RABEP2: variants seen among roughly 807,000 people sequenced by gnomAD.
RABEP2 encodes the protein rabaptin, RAB GTPase binding effector protein 2.
RABEP2 carries 57 observed loss-of-function variants against 74.1 expected under a neutral mutation model. The ratio of observed to expected loss-of-function variants is 0.77; its 90% CI spans 0.62 to 0.96. The LOEUF is 0.96. Ranked by LOEUF, RABEP2 falls within the 40% of genes least tolerant of loss-of-function variation. The probability of loss-of-function intolerance (pLI) is 0.00; values close to 1 mark genes in which losing one functional copy is unlikely to be tolerated. For missense variants in RABEP2, 692 were observed against 756.3 expected, an observed-to-expected ratio of 0.91 and a Z score of 1.00; for synonymous variants, 351 against 344.0, an observed-to-expected ratio of 1.02 and a Z score of -0.23.
chr16:28,921,731 C>T lies in RABEP2; in HGVS notation c.275-1788G>A, dbSNP rs1218247062. ...CTGTAATCCCAGCACTTTGGGAGGC[C>T]GAGGTGGGCAGATCATCTAGGTCAG... On this transcript the variant is annotated intron_variant, in intron 2 of 12. Coordinates refer to ENST00000358201, the MANE Select transcript of RABEP2 (RefSeq NM_024816.3). Among the ~76,000 whole-genome samples the T allele has an allele frequency of 2.0e-5, 3 of 146,636 alleles. No homozygotes were observed. In the East Asian group the frequency reaches 6.0e-4, roughly 29 times the overall value.
chr16:28,924,908 T>G (rs1407975930), intron 1 of RABEP2, 195 bp downstream of exon 1: 1 of 810,920 alleles, frequency 1.2e-6, no homozygotes, highest in Non-Finnish European at 2.1e-6. Context: ...ACTTCGCACC[T>G]GTCACTGGCC....
intron 2 of RABEP2, among the ~76,000 whole-genome samples, chr16:28,920,412 G>A (rs1596704115): frequency 6.7e-6 from 1 of 150,176 alleles, no homozygotes; most frequent in Non-Finnish European, 1.5e-5. Context: ...TTGAGACAGA[G>A]TCTCACTCTG....
intron 2 of RABEP2, among the ~76,000 whole-genome samples, chr16:28,921,873 G>A (rs1964471866): frequency 6.6e-6 from 1 of 151,966 alleles, no homozygotes; most frequent in Non-Finnish European, 1.5e-5. Context: ...GCTGAGGCAG[G>A]AGAATTGTTT....
At chr16:28,914,651 G>C (rs747355458) in intron 4 of RABEP2, 21 bp downstream of exon 4, 1 of 1,612,594 alleles carries the variant, frequency 6.2e-7, no homozygotes, top group African/African-American at 1.3e-5. Context: ...CTTCCCCAGC[G>C]CCCCCTGGCC....
chr16:28,908,573 G>C, intron 8 of RABEP2, 36 bp downstream of exon 8: 1 of 1,561,410 alleles, frequency 6.4e-7, no homozygotes. Context: ...GGCCCTCACG[G>C]TGGCTCCAGG....
chr16:28,911,034 C>T (rs375331178), intron 6 of RABEP2, 48 bp from the exon 7 acceptor site: 13 of 1,609,288 alleles, frequency 8.1e-6, no homozygotes, highest in Admixed American at 1.7e-5. Context: ...TGTCAGGGGG[C>T]GGCAGGTAGC....
At chr16:28,921,849 C>T (rs1964471778) in intron 2 of RABEP2, among the ~76,000 whole-genome samples, 1 of 151,828 alleles carries the variant, frequency 6.6e-6, no homozygotes, top group Non-Finnish European at 1.5e-5. Context: ...CCTGTAATCC[C>T]AGCTACTTGG....
At position 28,904,467 on chromosome 16, in the gene RABEP2, G is replaced by C. The variant is rs1032539327; in HGVS notation, c.*476C>G. 25 of 1,514,822 alleles carry C rather than the reference G, an allele frequency of 1.7e-5. No individual in the cohort carries two copies. In the Admixed American group the frequency reaches 4.8e-4, roughly 29 times the overall value. The allele number at this position is 1,514,822 out of a possible 1,614,324, so 93.8% of individuals were successfully genotyped here. On this transcript the variant is annotated 3_prime_UTR_variant, in exon 13 of 13. Coordinates refer to ENST00000358201, the MANE Select transcript of RABEP2 (RefSeq NM_024816.3). ...TGAAAATAAACGACGGAAAAGTCTGGCCTTGCCTCTGTGCAAGCTTGGAGG... is the reference window on the plus strand; with the variant it reads ...TGAAAATAAACGACGGAAAAGTCTGCCCTTGCCTCTGTGCAAGCTTGGAGG...
At chr16:28,921,443 A>G (rs1277978862) in intron 2 of RABEP2, among the ~76,000 whole-genome samples, 2 of 151,760 alleles carry the variant, frequency 1.3e-5, no homozygotes, top group African/African-American at 4.8e-5. Flanking sequence ...AGTTAACAGG[A>G]CCAGTGTGAG....
intron 5 of RABEP2, among the ~76,000 whole-genome samples, chr16:28,912,434 G>C (rs1335207721): frequency 2.7e-5 from 4 of 145,586 alleles, no homozygotes; most frequent in Non-Finnish European, 6.0e-5. Context: ...TTTGAGATGG[G>C]GTCTCACTCT....
intron 5 of RABEP2, among the ~76,000 whole-genome samples, chr16:28,912,789 A>G (rs1567497131): frequency 6.6e-6 from 1 of 152,022 alleles, no homozygotes; most frequent in Non-Finnish European, 1.5e-5. Flanking sequence ...CACGTCTCCT[A>G]AGACGCACAA....
intron 9 of RABEP2, 63 bp from the exon 10 acceptor site, chr16:28,905,941 G>A (rs764428279): frequency 8.2e-5 from 132 of 1,612,814 alleles, no homozygotes; most frequent in Non-Finnish European, 1.1e-4. Flanking sequence ...TGCTGCCCAC[G>A]CCTGGGCCCC....
At chr16:28,923,828 G>A (rs920226536) in intron 2 of RABEP2, among the ~76,000 whole-genome samples, 5 of 152,180 alleles carry the variant, frequency 3.3e-5, no homozygotes, top group African/African-American at 1.2e-4. Flanking sequence ...GCATAGCAGC[G>A]GGGGCAGCTC....
chr16:28,917,835 C>G (rs1964415672), intron 3 of RABEP2: 1 of 152,248 alleles, frequency 6.6e-6, no homozygotes. Flanking sequence ...AGCCCGGATG[C>G]TGGGAAGATG....
intron 2 of RABEP2, among the ~76,000 whole-genome samples, chr16:28,922,837 T>G (rs1430281450): frequency 6.6e-6 from 1 of 150,968 alleles, no homozygotes; most frequent in Non-Finnish European, 1.5e-5. Flanking sequence ...GAGGTTGCAG[T>G]GAGCTGAGAC....
chr16:28,913,290 G>A (rs942141774), intron 5 of RABEP2, among the ~76,000 whole-genome samples: 9 of 151,934 alleles, frequency 5.9e-5, no homozygotes, highest in African/African-American at 1.2e-4. Flanking sequence ...GCCTGAACCC[G>A]GGTCAGTCTC....
Position 28,906,191 on chromosome 16 carries a change from C to A in RABEP2, c.1251G>T (p.Leu417=). Residue 417 remains leucine, a synonymous_variant, in exon 9 of 13, where the codon CTG becomes CTT. Transcript: ENST00000358201. ...EESLPSSVPE[L]QQLLCCTRQE... ...GCCGCGTGCAGCACAGCAGCTGCTG[C>A]AGCTCCTGGAAGGGACGGAGGAGTC... 1 of 1,586,612 alleles carries A rather than the reference C, an allele frequency of 6.3e-7. No homozygotes were observed. Among genetic ancestry groups the A allele is most frequent in the Non-Finnish European group, 8.5e-7 (1 of 1,173,198 alleles).
Position 28,904,935 on chromosome 16 carries a change from C to T in RABEP2, c.*8G>A, listed in dbSNP as rs748174484. 4 of 1,603,184 alleles carry T rather than the reference C, an allele frequency of 2.5e-6. No homozygotes were observed. The South Asian group carries it at 3.3e-5, about 13-fold the overall frequency. On this transcript the variant is annotated 3_prime_UTR_variant, in exon 13 of 13. Coordinates refer to ENST00000358201, the MANE Select transcript of RABEP2 (RefSeq NM_024816.3). ...TTCCCAGGGTGGGGGTGGGGATATC[C>T]TGACCCCTCAGGTGTCCTTGATGTC...
intron 3 of RABEP2, among the ~76,000 whole-genome samples, chr16:28,914,991 T>C (rs1006845737): frequency 2.0e-5 from 3 of 150,830 alleles, no homozygotes; most frequent in Non-Finnish European, 4.4e-5. Context: ...AGGTCACGAC[T>C]TCTTCCTGTG....
Sources: gnomAD v4.1 joint callset for allele counts (sites outside exome capture counted in the v4.1 genomes callset) on GRCh38, gnomAD v4.1.1 for gene constraint, MANE v1.5 for transcripts, NCBI Gene and HGNC (gene_info 2026-07-23, HGNC 2026-07-21) for gene names.